The following PIP5K1C variants were observed in gnomAD, a reference collection of about 807,000 sequenced individuals.
The protein encoded by PIP5K1C is phosphatidylinositol-4-phosphate 5-kinase type 1 gamma.
In PIP5K1C, 45 loss-of-function variants were observed where a neutral mutation model predicts 80.1. The observed-to-expected ratio is 0.56, with a 90% CI of 0.44 to 0.72. The LOEUF (loss-of-function observed/expected upper bound fraction) is 0.72, where lower values mean the gene tolerates loss of function less well. PIP5K1C is among the 30% of genes least tolerant of loss of function. PIP5K1C has a pLI of 0.00. For missense variants in PIP5K1C, 753 were observed against 954.6 expected (o/e 0.79, Z 2.78); for synonymous variants, 498 against 420.1 (o/e 1.19, Z -2.27).
At chr19:3,654,231 C>T (rs907278187) in intron 6 of PIP5K1C, among the ~76,000 whole-genome samples, 5 of 152,350 alleles carry the variant, frequency 3.3e-5, no homozygotes, top group South Asian at 4.1e-4. Context: ...GGTCCCCAGG[C>T]GCAGTGACGA....
At chr19:3,643,849 C>T (rs1351818285) in intron 12 of PIP5K1C, among the ~76,000 whole-genome samples, 1 of 152,074 alleles carries the variant, frequency 6.6e-6, no homozygotes, top group Admixed American at 6.5e-5. Context: ...TGACAGTGGC[C>T]GTGAGAGAAG....
rs539365910 is a variant in PIP5K1C at position 3,695,306 on chromosome 19, G to C, written c.94+4991C>G. 2.6e-5 allele frequency among the ~76,000 whole-genome samples: 4 copies of C among 152,324 alleles called. No homozygotes were observed. In the South Asian group the frequency reaches 8.3e-4, roughly 32 times the overall value. The stretch of plus-strand genomic sequence containing the variant: ...CCCAGCGCCCAGGTGAGCTCGCTTG[G>C]CACCTGGGCCCCGGAAGCAGCACAC... On this transcript the variant is annotated intron_variant, in intron 1 of 17. Transcript: ENST00000335312.
At chr19:3,690,438 G>A (rs571014590) in intron 1 of PIP5K1C, among the ~76,000 whole-genome samples, 5 of 150,762 alleles carry the variant, frequency 3.3e-5, no homozygotes, top group South Asian at 2.1e-4. Flanking sequence ...AGCTACAATC[G>A]TGTCACTGAA....
rs763355166 is a variant in PIP5K1C at position 3,651,839 on chromosome 19, C to T, written c.1114G>A (p.Glu372Lys). 1.6e-5 allele frequency: 25 copies of T among 1,611,700 alleles called. No individual in the cohort carries two copies. The highest frequency in any genetic ancestry group is 1.8e-4 in the Middle Eastern group (1 of 5,440). ...QGGAARGEAI[E>K]SDDTMGGIPA... ...CCGCCCACCTACGTGTCATCCGATT[C>T]GATGGCCTCCCCGCGCGCGGCGCCA... Residue 372 changes from glutamate (E) to lysine (K), a missense_variant, in exon 8 of 18, where the codon GAA becomes AAA. By Grantham distance (56) the Glu-to-Lys change is moderately conservative. Around this residue, in one of 6 missense-constraint regions of PIP5K1C, gnomAD observed 114 missense variants for 152.4 expected, o/e 0.75. Transcript: ENST00000335312.
intron 2 of PIP5K1C, among the ~76,000 whole-genome samples, chr19:3,665,134 C>T (rs1200767552): frequency 6.6e-6 from 1 of 152,192 alleles, no homozygotes; most frequent in Non-Finnish European, 1.5e-5. Flanking sequence ...CACTGGACAC[C>T]CAGAAGCGCT....
chr19:3,643,484 T>G, intron 12 of PIP5K1C, 103 bp from the exon 13 acceptor site: 1 of 1,393,206 alleles, frequency 7.2e-7, no homozygotes, highest in Non-Finnish European at 9.8e-7. Flanking sequence ...CACAGCCCAG[T>G]GCCCGCCCGC....
intron 1 of PIP5K1C, among the ~76,000 whole-genome samples, chr19:3,671,018 G>A (rs749018907): frequency 6.6e-6 from 1 of 152,260 alleles, no homozygotes; most frequent in South Asian, 2.1e-4. Context: ...GGCGGCCCGG[G>A]AGCAGAACAA....
intron 2 of PIP5K1C, among the ~76,000 whole-genome samples, chr19:3,666,147 G>A (rs920468601): frequency 6.6e-6 from 1 of 152,254 alleles, no homozygotes; most frequent in South Asian, 2.1e-4. Context: ...CCCAGGCCTG[G>A]TGGACAAAGC....
intron 1 of PIP5K1C, among the ~76,000 whole-genome samples, chr19:3,671,393 G>A (rs763773112): frequency 1.1e-4 from 16 of 152,270 alleles, no homozygotes; most frequent in Non-Finnish European, 1.9e-4. Flanking sequence ...GGGGTCACCC[G>A]TGTTGGGTGT....
In PIP5K1C at chr19:3,652,555, T is replaced by C. The variant is rs2034491368; in HGVS notation, c.922-524A>G. 2.0e-5 allele frequency among the ~76,000 whole-genome samples: 3 copies of C among 151,714 alleles called. No individual in the cohort carries two copies. In the South Asian group the frequency reaches 6.2e-4, roughly 31 times the overall value. On this transcript the variant is annotated intron_variant, in intron 7 of 17. Transcript: ENST00000335312. ...GGAGCTGGGAGGTCCCAGGCTCTGC[T>C]CCTGACAGGCTGGGGCCTCCCCTCC...
In PIP5K1C at chr19:3,653,403, T is replaced by C; in HGVS notation, c.808A>G (p.Lys270Glu). ...AGGTCCTTGTAGGTGGGGAAGCTCT[T>C]CTCCTTCTCCTTCTTGCTGGCGCGC... ...KRRASKKEKE[K>E]SFPTYKDLDF... Residue 270 changes from lysine to glutamate, a missense_variant, in exon 7 of 18, where the codon AAG becomes GAG. This residue lies in a region of PIP5K1C where 105 missense variants were observed against 133.4 expected (regional missense o/e 0.79). Coordinates refer to ENST00000335312, the MANE Select transcript of PIP5K1C (RefSeq NM_012398.3). The C allele has an allele frequency of 6.2e-7, 1 of 1,613,188 alleles. No homozygotes were observed. The highest frequency in any genetic ancestry group is 8.5e-7 in the Non-Finnish European group (1 of 1,180,018).
rs2034323270 is a variant in PIP5K1C, at chr19:3,648,522, G to T, written c.1211+103C>A. The T allele has an allele frequency of 2.3e-6, 1 of 429,922 alleles. No individual in the cohort carries two copies. Among genetic ancestry groups the T allele is most frequent in the African/African-American group, 2.3e-5 (1 of 43,054 alleles). 26.6% of individuals were successfully genotyped at this position (429,922 alleles called of 1,614,324 possible). ...GACCCAGGCGCCCACCTGTGGGGCT[G>T]CAGACCCGGGCGCCCACCTGTGGGG... On this transcript the variant is annotated intron_variant, in intron 9 of 17. Coordinates refer to ENST00000335312, the MANE Select transcript of PIP5K1C (RefSeq NM_012398.3). This position sits in a 1 kb window ranked among gnomAD's most constrained non-coding sequence, Gnocchi z 4.3.
At position 3,688,150 on chromosome 19, in the gene PIP5K1C, G is replaced by T. The variant is rs1265720102; in HGVS notation, c.94+12147C>A. Among the ~76,000 whole-genome samples the T allele has an allele frequency of 1.3e-5, 2 of 152,186 alleles. No homozygotes were observed. The highest frequency in any genetic ancestry group is 2.4e-5 in the African/African-American group (1 of 41,438). On this transcript the variant is annotated intron_variant, in intron 1 of 17. Coordinates refer to ENST00000335312, the MANE Select transcript of PIP5K1C (RefSeq NM_012398.3). The surrounding 1 kb of genome is among the most constrained non-coding windows in gnomAD (Gnocchi z 5.3). ...CCGAGCTGAGGCTCCCGCAGCCAGG[G>T]TCTGCGCGTGGTCCCCACCTCCTTG...
intron 8 of PIP5K1C, 72 bp downstream of exon 8, chr19:3,651,754 G>C (rs2034458472): frequency 6.9e-7 from 1 of 1,449,340 alleles, no homozygotes; most frequent in Admixed American, 1.7e-5. Flanking sequence ...TTCACACTTG[G>C]GACGGGGATG....
chr19:3,657,731 G>C (rs933666809), intron 5 of PIP5K1C, among the ~76,000 whole-genome samples: 1 of 150,964 alleles, frequency 6.6e-6, no homozygotes, highest in African/African-American at 2.4e-5. Context: ...TTCAAGACCA[G>C]CCTGGGCAAC....
intron 2 of PIP5K1C, among the ~76,000 whole-genome samples, chr19:3,666,508 T>C (rs951422612): frequency 2.0e-5 from 3 of 151,984 alleles, no homozygotes; most frequent in Middle Eastern, 3.4e-3. Flanking sequence ...CGTGCAGACG[T>C]GCACACAGGC....
Position 3,661,984 on chromosome 19 carries a change from C to T in PIP5K1C, c.237G>A (p.Leu79=). 4 of 1,602,872 alleles carry T rather than the reference C, an allele frequency of 2.5e-6. No homozygotes were observed. The highest frequency in any genetic ancestry group is 3.4e-6 in the Non-Finnish European group (4 of 1,176,198). The part of the protein sequence containing the change: ...TTYKKTTSST[L]KGAIQLGIGY... ...CGATGCCCAGCTGGATGGCACCCTT[C>T]AGGGTGGAGGAGGTGGTCTGCAGGG... The change falls in exon 4 of 18, where the codon CTG becomes CTA. Residue 79 remains leucine, a synonymous_variant. Transcript: ENST00000335312.
At chr19:3,691,029 G>A (rs1373920017) in intron 1 of PIP5K1C, among the ~76,000 whole-genome samples, 6 of 152,208 alleles carry the variant, frequency 3.9e-5, no homozygotes, top group African/African-American at 1.4e-4. Context: ...GGGAGGAGTG[G>A]GAGGGAGCTC....
chr19:3,643,201 A>T (rs1568315097), intron 13 of PIP5K1C, 42 bp downstream of exon 13: 4 of 1,610,010 alleles, frequency 2.5e-6, no homozygotes, highest in East Asian at 2.2e-5. Context: ...CCCCACGCAC[A>T]GCGGATGCCC....
Sources: allele counts gnomAD v4.1 joint callset (sites outside exome capture counted in the v4.1 genomes callset), GRCh38; gene constraint gnomAD v4.1.1; regional missense constraint gnomAD v4.1.1; non-coding constraint Gnocchi (gnomAD v3.1); transcripts MANE v1.5; gene names NCBI Gene and HGNC (gene_info 2026-07-23, HGNC 2026-07-21).